The following SLC24A3 variants were observed in gnomAD, a reference collection of about 807,000 sequenced individuals.
SLC24A3 encodes sodium/potassium/calcium exchanger 3.
A neutral mutation model predicts 75.8 loss-of-function variants in SLC24A3; 28 were observed. The ratio of observed to expected loss-of-function variants is 0.37; its 90% CI spans 0.27 to 0.51. The LOEUF (loss-of-function observed/expected upper bound fraction) is 0.51, where lower values mean the gene tolerates loss of function less well. SLC24A3 is among the 20% of genes least tolerant of loss of function. SLC24A3 has a pLI of 0.94. For synonymous variants in SLC24A3, 372 were observed against 334.1 expected (o/e 1.11, Z -1.24); for missense variants, 663 against 847.8 (o/e 0.78, Z 2.71).
intron 2 of SLC24A3, among the ~76,000 whole-genome samples, chr20:19,496,489 C>T (rs957590756): frequency 3.3e-5 from 5 of 152,120 alleles, no homozygotes; most frequent in Non-Finnish European, 7.4e-5. Context: ...TGGTTGGATT[C>T]CCAATCTCTG....
intron 9 of SLC24A3, among the ~76,000 whole-genome samples, chr20:19,674,238 T>G (rs188198028): frequency 6.6e-6 from 1 of 152,364 alleles, no homozygotes; most frequent in East Asian, 1.9e-4. Context: ...TATATGGTAT[T>G]AGTCATCCAC....
chr20:19,654,219 A>C, intron 7 of SLC24A3, 83 bp downstream of exon 7: 3 of 1,273,252 alleles, frequency 2.4e-6, no homozygotes, highest in Non-Finnish European at 3.4e-6. Context: ...CATGGAGTTC[A>C]CTCGAGGTCA....
At chr20:19,288,792 C>A (rs1163235984) in intron 2 of SLC24A3, among the ~76,000 whole-genome samples, 1 of 152,200 alleles carries the variant, frequency 6.6e-6, no homozygotes, top group African/African-American at 2.4e-5. Context: ...CAGGGCTCAA[C>A]AAACAAGAGC....
chr20:19,579,961 T>C, intron 3 of SLC24A3, 39 bp from the exon 4 acceptor site: 2 of 1,507,040 alleles, frequency 1.3e-6, no homozygotes, highest in South Asian at 1.1e-5. Flanking sequence ...TGGCTCTGCC[T>C]CACTCTAACT....
At chr20:19,437,375 G>A (rs1987222726) in intron 2 of SLC24A3, among the ~76,000 whole-genome samples, 2 of 152,160 alleles carry the variant, frequency 1.3e-5, no homozygotes, top group Non-Finnish European at 2.9e-5. Flanking sequence ...TCTCTCTCCC[G>A]ATTCCCTGTG....
At chr20:19,671,887 T>C (rs2032471928) in intron 8 of SLC24A3, among the ~76,000 whole-genome samples, 1 of 151,768 alleles carries the variant, frequency 6.6e-6, no homozygotes, top group African/African-American at 2.4e-5. Context: ...GGCCCAATAA[T>C]GAGAGGATGA....
chr20:19,592,726 T>G (rs868262981), intron 6 of SLC24A3, among the ~76,000 whole-genome samples: 3 of 152,116 alleles, frequency 2.0e-5, no homozygotes, highest in South Asian at 2.1e-4. Context: ...ACCATGAAAA[T>G]TACTGGAAGG....
In SLC24A3 at chr20:19,406,276, T is replaced by C. The variant is rs1042527697; in HGVS notation, c.272-109212T>C. Among the ~76,000 whole-genome samples, 5 of 151,846 alleles carry C rather than the reference T, an allele frequency of 3.3e-5. No individual in the cohort carries two copies. The East Asian group carries it at 5.8e-4, about 18-fold the overall frequency. The stretch of plus-strand genomic sequence containing the variant: ...AATGTTGGTACCAAATCATACCCCA[T>C]TGGAAAGATTCAATTTTCTGAAATT... On this transcript the variant is annotated intron_variant, in intron 2 of 16. Coordinates refer to ENST00000328041, the MANE Select transcript of SLC24A3 (RefSeq NM_020689.4).
intron 2 of SLC24A3, among the ~76,000 whole-genome samples, chr20:19,306,902 C>A (rs920576031): frequency 6.6e-6 from 1 of 151,708 alleles, no homozygotes; most frequent in African/African-American, 2.4e-5. Flanking sequence ...AAACAAAAAC[C>A]TCTCACGTGA....
chr20:19,291,183 G>A (rs2122235540), intron 2 of SLC24A3, among the ~76,000 whole-genome samples: 1 of 152,334 alleles, frequency 6.6e-6, no homozygotes, highest in Admixed American at 6.5e-5. Flanking sequence ...ACATCTCCCG[G>A]CTGCTCTCTG....
At chr20:19,577,115 C>G (rs57365002) in intron 3 of SLC24A3, among the ~76,000 whole-genome samples, 1 of 151,244 alleles carries the variant, frequency 6.6e-6, no homozygotes, top group Admixed American at 6.6e-5. Flanking sequence ...AGTGCAGTGG[C>G]GCGATCTCGG....
intron 1 of SLC24A3, among the ~76,000 whole-genome samples, chr20:19,270,022 C>G (rs1983278947): frequency 6.6e-6 from 1 of 152,294 alleles, no homozygotes; most frequent in Admixed American, 6.5e-5. Flanking sequence ...TCCAACGGCA[C>G]CCATTTCATT....
chr20:19,562,829 C>T (rs995854237), intron 3 of SLC24A3, among the ~76,000 whole-genome samples: 3 of 149,950 alleles, frequency 2.0e-5, no homozygotes, highest in African/African-American at 7.5e-5. Context: ...GGCCCATCAC[C>T]GCTAATGAGA....
intron 2 of SLC24A3, among the ~76,000 whole-genome samples, chr20:19,470,009 C>G (rs11698024): frequency 0.46 from 70,321 of 152,008 alleles, 17,921 homozygotes; most frequent in Non-Finnish European, 0.56. Flanking sequence ...AGCCAGGGAC[C>G]CTTGCTTGAG....
chr20:19,664,098 G>A (rs910627289), intron 7 of SLC24A3, among the ~76,000 whole-genome samples: 6 of 152,110 alleles, frequency 3.9e-5, no homozygotes, highest in Non-Finnish European at 8.8e-5. Context: ...AATATCTTCT[G>A]TTCTCTTAAG....
intron 7 of SLC24A3, among the ~76,000 whole-genome samples, chr20:19,658,061 T>A (rs2032284749): frequency 6.6e-6 from 1 of 151,444 alleles, no homozygotes; most frequent in Admixed American, 6.6e-5. Flanking sequence ...TGTCCTGAGG[T>A]TGTGTAATAA....
chr20:19,534,585 G>A (rs563058277), intron 3 of SLC24A3, among the ~76,000 whole-genome samples: 18 of 152,032 alleles, frequency 1.2e-4, no homozygotes, highest in South Asian at 2.1e-4. Context: ...TAATTTGTTC[G>A]TATTTTTAGT....
At chr20:19,253,496 A>G (rs75635708) in intron 1 of SLC24A3, among the ~76,000 whole-genome samples, 1,847 of 152,144 alleles carry the variant, frequency 0.012, 20 homozygotes, top group Middle Eastern at 0.034. Context: ...TGCTTCTGGC[A>G]TTTGCTTCTC....
intron 2 of SLC24A3, among the ~76,000 whole-genome samples, chr20:19,346,186 GTA>G (rs377132621): frequency 0.029 from 2,173 of 74,040 alleles, 507 homozygotes; most frequent in African/African-American, 0.13. Flanking sequence ...TATATATGGT[GTA>G]TATATATATA....
Sources: allele counts gnomAD v4.1 joint callset (sites outside exome capture counted in the v4.1 genomes callset), GRCh38; gene constraint gnomAD v4.1.1; transcripts MANE v1.5; gene names NCBI Gene and HGNC (gene_info 2026-07-23, HGNC 2026-07-21).